PTPRR: variants seen among roughly 807,000 people sequenced by gnomAD.
The protein encoded by PTPRR is receptor-type tyrosine-protein phosphatase R.
A neutral mutation model predicts 77.2 loss-of-function variants in PTPRR; 38 were observed. The observed-to-expected ratio is 0.49, with a 90% CI of 0.38 to 0.65. The LOEUF (loss-of-function observed/expected upper bound fraction) is 0.65. PTPRR is among the 30% of genes least tolerant of loss of function. PTPRR has a pLI of 0.00. For synonymous variants in PTPRR, 299 were observed against 283.1 expected (o/e 1.06, Z -0.57); for missense variants, 744 against 799.2 (o/e 0.93, Z 0.83).
At chr12:70,823,103 T>A (rs1892046692) in intron 2 of PTPRR, among the ~76,000 whole-genome samples, 1 of 121,382 alleles carries the variant, frequency 8.2e-6, no homozygotes, top group African/African-American at 3.4e-5. Context: ...GCTGTCTCTC[T>A]CTCTGACACA....
intron 2 of PTPRR, among the ~76,000 whole-genome samples, chr12:70,870,959 A>G (rs919557537): frequency 3.3e-5 from 5 of 152,238 alleles, no homozygotes; most frequent in African/African-American, 1.2e-4. Context: ...CACATTTTAG[A>G]GTAGACTAAA....
chr12:70,728,240 T>C (rs1889518168), intron 6 of PTPRR, among the ~76,000 whole-genome samples: 1 of 139,188 alleles, frequency 7.2e-6, no homozygotes, highest in African/African-American at 2.7e-5. Flanking sequence ...TTGCCATACA[T>C]ATATACAGAG....
At chr12:70,810,573 G>C (rs927828941) in intron 2 of PTPRR, among the ~76,000 whole-genome samples, 1 of 152,064 alleles carries the variant, frequency 6.6e-6, no homozygotes, top group Non-Finnish European at 1.5e-5. Context: ...TTAATGCAAC[G>C]ATGTTACTGT....
Position 70,656,667 on chromosome 12 carries a change from A to C in PTPRR, c.1880+37T>G, listed in dbSNP as rs375847849. 3 of 1,440,062 alleles carry C rather than the reference A, an allele frequency of 2.1e-6. No homozygotes were observed. The African/African-American group carries it at 4.2e-5, about 20-fold the overall frequency. 89.2% of individuals were successfully genotyped at this position (1,440,062 alleles called of 1,614,324 possible). On this transcript the variant is annotated intron_variant, in intron 13 of 13. Transcript: ENST00000283228. Reference sequence around the variant, plus strand: ...GCTGATGAGATCAGGCTGTGAATGAAAACAGTGCTCTGAAGGCAAGCCTCT... The same window carrying C: ...GCTGATGAGATCAGGCTGTGAATGACAACAGTGCTCTGAAGGCAAGCCTCT...
intron 2 of PTPRR, among the ~76,000 whole-genome samples, chr12:70,874,469 G>A (rs1893015258): frequency 6.6e-6 from 1 of 152,102 alleles, no homozygotes. Flanking sequence ...ACTTCTTTGA[G>A]AAACTAGAAT....
intron 11 of PTPRR, 107 bp from the exon 12 acceptor site, chr12:70,661,204 A>G: frequency 1.4e-6 from 2 of 1,445,794 alleles, no homozygotes; most frequent in East Asian, 4.9e-5. Flanking sequence ...CTGGCAATTT[A>G]TTTCTAGGTG....
At chr12:70,766,837 A>C (rs932096436) in intron 2 of PTPRR, among the ~76,000 whole-genome samples, 2 of 152,234 alleles carry the variant, frequency 1.3e-5, no homozygotes, top group African/African-American at 4.8e-5. Flanking sequence ...TCTACAAGCC[A>C]GAAGAGAGTG....
intron 11 of PTPRR, 143 bp downstream of exon 11, chr12:70,662,352 A>C: frequency 2.0e-6 from 1 of 510,232 alleles, no homozygotes; most frequent in Middle Eastern, 5.3e-4. Flanking sequence ...AAAATACATG[A>C]GGGAATGATT....
intron 2 of PTPRR, among the ~76,000 whole-genome samples, chr12:70,891,619 A>G (rs1174901633): frequency 1.3e-5 from 2 of 152,128 alleles, no homozygotes; most frequent in East Asian, 1.9e-4. Flanking sequence ...AAGCAAAACA[A>G]GAGACTGTAT....
intron 1 of PTPRR, among the ~76,000 whole-genome samples, chr12:70,914,813 G>T (rs1432379771): frequency 6.6e-6 from 1 of 151,960 alleles, no homozygotes; most frequent in East Asian, 1.9e-4. Context: ...ACAGAGTGAG[G>T]CCCTGTCTCT....
intron 2 of PTPRR, among the ~76,000 whole-genome samples, chr12:70,783,262 T>C (rs531068270): frequency 2.0e-5 from 3 of 152,236 alleles, no homozygotes; most frequent in Admixed American, 2.0e-4. Flanking sequence ...CTGTGGAGTG[T>C]TCAGCTCTCA....
chr12:70,877,372 C>G (rs565822368), intron 2 of PTPRR, among the ~76,000 whole-genome samples: 1 of 152,136 alleles, frequency 6.6e-6, no homozygotes, highest in Non-Finnish European at 1.5e-5. Flanking sequence ...ATGGTCATCC[C>G]CACTACCAAT....
At chr12:70,726,888 A>G (rs546620718) in intron 6 of PTPRR, among the ~76,000 whole-genome samples, 75 of 152,058 alleles carry the variant, frequency 4.9e-4, no homozygotes, top group Non-Finnish European at 9.3e-4. Flanking sequence ...GGCTGCATTT[A>G]CAAAATGCAT....
chr12:70,726,164 C>T (rs1284585496), intron 6 of PTPRR, among the ~76,000 whole-genome samples: 3 of 151,174 alleles, frequency 2.0e-5, no homozygotes, highest in Non-Finnish European at 4.4e-5. Flanking sequence ...AAAATATATA[C>T]ATATGTATAT....
chr12:70,695,075 G>A (rs1019976764), intron 8 of PTPRR, among the ~76,000 whole-genome samples: 1 of 152,072 alleles, frequency 6.6e-6, no homozygotes, highest in Non-Finnish European at 1.5e-5. Context: ...TTAGAGAAAT[G>A]ACTATAATTT....
intron 2 of PTPRR, among the ~76,000 whole-genome samples, chr12:70,827,536 CTTTCTTTCTTTCT>C (rs1892133023): frequency 7.2e-6 from 1 of 139,258 alleles, no homozygotes; most frequent in African/African-American, 3.1e-5. Context: ...TTTTTTCTTT[CTTTCTTTCTTTCT>C]TTTTTTTTTT....
chr12:70,819,478 A>G (rs997587767), intron 2 of PTPRR, among the ~76,000 whole-genome samples: 1 of 152,206 alleles, frequency 6.6e-6, no homozygotes, highest in African/African-American at 2.4e-5. Context: ...GGGCTGCTGG[A>G]AGATTCCATC....
chr12:70,676,549 T>C (rs569119218), intron 10 of PTPRR, among the ~76,000 whole-genome samples: 1 of 152,180 alleles, frequency 6.6e-6, no homozygotes, highest in East Asian at 1.9e-4. Flanking sequence ...TGTAGGCTTA[T>C]GTTTGCTGAG....
chr12:70,906,044 T>C (rs987662004), intron 1 of PTPRR, among the ~76,000 whole-genome samples: 2 of 151,972 alleles, frequency 1.3e-5, no homozygotes, highest in Non-Finnish European at 2.9e-5. Context: ...AAATACATAA[T>C]TGTAGCAATA....
Sources: gnomAD v4.1 joint callset for allele counts (sites outside exome capture counted in the v4.1 genomes callset) on GRCh38, gnomAD v4.1.1 for gene constraint, MANE v1.5 for transcripts, NCBI Gene and HGNC (gene_info 2026-07-23, HGNC 2026-07-21) for gene names.